The following PDE1C variants were observed in gnomAD, a reference collection of about 807,000 sequenced individuals.
PDE1C encodes the protein dual specificity calcium/calmodulin-dependent 3',5'-cyclic nucleotide phosphodiesterase 1C.
A neutral mutation model predicts 93.1 loss-of-function variants in PDE1C; 62 were observed. That is an observed-to-expected ratio of 0.67 (90% CI 0.54 to 0.82). The LOEUF is 0.82. Ranked by LOEUF, PDE1C falls within the 40% of genes least tolerant of loss-of-function variation. The pLI is 0.00. For synonymous variants in PDE1C, 325 were observed against 310.1 expected (o/e 1.05, Z -0.50); for missense variants, 742 against 884.6 (o/e 0.84, Z 2.04).
At chr7:31,719,657 C>T in the PDE1C span, among the ~76,000 whole-genome samples, 1 of 152,180 alleles carries the variant, frequency 6.6e-6, no homozygotes, top group East Asian at 1.9e-4. Flanking sequence ...GGCCGTGTGG[C>T]TCTACATTTT....
intron 2 of PDE1C, among the ~76,000 whole-genome samples, chr7:31,895,090 C>G (rs1799111062): frequency 1.3e-5 from 2 of 152,298 alleles, no homozygotes; most frequent in Admixed American, 6.5e-5. Context: ...AGGAAGGCCA[C>G]AGTTCAGACC....
intron 2 of PDE1C, among the ~76,000 whole-genome samples, chr7:31,994,384 G>A (rs1384225871): frequency 1.3e-5 from 2 of 152,086 alleles, no homozygotes; most frequent in Non-Finnish European, 2.9e-5. Context: ...TGCTTCATGG[G>A]AATAGCATTG....
At chr7:31,694,368 G>GCT in the PDE1C span, among the ~76,000 whole-genome samples, 30 of 119,462 alleles carry the variant, frequency 2.5e-4, no homozygotes, top group East Asian at 5.6e-4. Context: ...AACAATTTTA[G>GCT]CTCTCTCTCT....
the PDE1C span, among the ~76,000 whole-genome samples, chr7:31,743,147 G>A: frequency 3.3e-5 from 5 of 152,238 alleles, no homozygotes; most frequent in East Asian, 1.9e-4. Context: ...GGCAGCCACA[G>A]CAATCTTTGT....
intron 17 of PDE1C, among the ~76,000 whole-genome samples, chr7:31,761,406 T>C (rs1323452653): frequency 6.6e-6 from 1 of 152,180 alleles, no homozygotes; most frequent in Non-Finnish European, 1.5e-5. Flanking sequence ...AAGTAAGTCA[T>C]CCCCTAACCC....
chr7:31,647,330 C>T, the PDE1C span, among the ~76,000 whole-genome samples: 5 of 151,962 alleles, frequency 3.3e-5, no homozygotes, highest in African/African-American at 1.2e-4. Context: ...AGCTCTTGGA[C>T]CAAGTGAAGA....
chr7:32,032,631 T>C (rs918843918), intron 2 of PDE1C, among the ~76,000 whole-genome samples: 3 of 152,160 alleles, frequency 2.0e-5, no homozygotes, highest in African/African-American at 7.2e-5. Context: ...TCTATTATTA[T>C]AGATAAAAAC....
chr7:32,425,473 T>C (rs902102398), intron 1 of PDE1C, among the ~76,000 whole-genome samples: 3 of 152,186 alleles, frequency 2.0e-5, no homozygotes, highest in African/African-American at 7.2e-5. Flanking sequence ...TGCATATATT[T>C]CTTATGAAAT....
At chr7:31,860,295 A>G (rs1243717248) in intron 7 of PDE1C, among the ~76,000 whole-genome samples, 1 of 152,148 alleles carries the variant, frequency 6.6e-6, no homozygotes, top group Non-Finnish European at 1.5e-5. Context: ...TCGTGACTAC[A>G]GGTCAGGCAT....
At chr7:31,887,342 C>T (rs1371054753) in intron 2 of PDE1C, among the ~76,000 whole-genome samples, 1 of 152,080 alleles carries the variant, frequency 6.6e-6, no homozygotes, top group Non-Finnish European at 1.5e-5. Context: ...ACTTATGTAG[C>T]TTTTACCTTT....
intron 2 of PDE1C, among the ~76,000 whole-genome samples, chr7:32,207,567 G>A (rs1432741779): frequency 6.6e-6 from 1 of 152,102 alleles, no homozygotes; most frequent in African/African-American, 2.4e-5. Context: ...TAGCTCACGT[G>A]CCATCTGACT....
chr7:32,315,982 C>T (rs917830964), intron 1 of PDE1C, among the ~76,000 whole-genome samples: 3 of 151,980 alleles, frequency 2.0e-5, no homozygotes, highest in Admixed American at 6.5e-5. Flanking sequence ...GCAACAAGAG[C>T]GAAAACTCCA....
At chr7:31,666,792 C>T in the PDE1C span, among the ~76,000 whole-genome samples, 2 of 151,638 alleles carry the variant, frequency 1.3e-5, no homozygotes, top group Non-Finnish European at 2.9e-5. Context: ...ATCCAGCCCC[C>T]CATTTTTTTT....
chr7:31,809,634 C>T (rs1043027918), intron 15 of PDE1C, among the ~76,000 whole-genome samples: 4 of 151,952 alleles, frequency 2.6e-5, no homozygotes, highest in Admixed American at 6.6e-5. Flanking sequence ...TCTTAGAACA[C>T]GTGTCAAAAA....
chr7:31,985,022 A>C (rs1452463119), intron 2 of PDE1C, among the ~76,000 whole-genome samples: 1 of 152,198 alleles, frequency 6.6e-6, no homozygotes, highest in Non-Finnish European at 1.5e-5. Context: ...AAAGTAAAAG[A>C]GAGCAAAATG....
chr7:31,742,403 C>G, the PDE1C span, among the ~76,000 whole-genome samples: 1 of 152,194 alleles, frequency 6.6e-6, no homozygotes, highest in African/African-American at 2.4e-5. Flanking sequence ...TACATTTTAA[C>G]CGAATTCAAG....
intron 1 of PDE1C, among the ~76,000 whole-genome samples, chr7:32,288,628 A>G (rs1026721849): frequency 1.3e-5 from 2 of 152,204 alleles, no homozygotes; most frequent in East Asian, 1.9e-4. Context: ...TTCCTCTCCA[A>G]TATTAACTGA....
chr7:31,736,090 CA>C, the PDE1C span, among the ~76,000 whole-genome samples: 1 of 152,190 alleles, frequency 6.6e-6, no homozygotes, highest in South Asian at 2.1e-4. Flanking sequence ...TGAGTGAACA[CA>C]AGGCTGTAGT....
At chr7:32,038,831 A>G (rs1388653286) in intron 2 of PDE1C, among the ~76,000 whole-genome samples, 1 of 152,154 alleles carries the variant, frequency 6.6e-6, no homozygotes, top group Non-Finnish European at 1.5e-5. Flanking sequence ...TTTAAGAAAC[A>G]TTTCTTTCTA....
Sources: allele counts gnomAD v4.1 joint callset (sites outside exome capture counted in the v4.1 genomes callset), GRCh38; gene constraint gnomAD v4.1.1; transcripts MANE v1.5; gene names NCBI Gene and HGNC (gene_info 2026-07-23, HGNC 2026-07-21).